THSD7A: variants seen among roughly 807,000 people sequenced by gnomAD.
The protein encoded by THSD7A is thrombospondin type 1 domain containing 7A.
In THSD7A, 96 loss-of-function variants were observed where a neutral mutation model predicts 231.3. The observed-to-expected ratio is 0.41, with a 90% confidence interval of 0.35 to 0.49. The LOEUF (loss-of-function observed/expected upper bound fraction) is 0.49. Ranked by LOEUF, THSD7A falls within the 20% of genes least tolerant of loss-of-function variation. THSD7A has a pLI of 0.05. For missense variants in THSD7A, 2,290 were observed against 2,070.2 expected (o/e 1.11, Z -2.06); for synonymous variants, 940 against 743.3 (o/e 1.26, Z -4.30).
At chr7:11,646,839 A>T (rs1782302154) in intron 1 of THSD7A, among the ~76,000 whole-genome samples, 1 of 152,064 alleles carries the variant, frequency 6.6e-6, no homozygotes. Flanking sequence ...ACAAAGGTTT[A>T]TATGCAATAG....
At chr7:11,551,853 A>T (rs10240511) in intron 4 of THSD7A, among the ~76,000 whole-genome samples, 34,952 of 152,042 alleles carry the variant, frequency 0.23, 4,643 homozygotes, top group African/African-American at 0.37. Context: ...GTATATACCC[A>T]AAGGAAAATA....
At chr7:11,692,899 G>A (rs953287701) in intron 1 of THSD7A, among the ~76,000 whole-genome samples, 3 of 151,482 alleles carry the variant, frequency 2.0e-5, no homozygotes, top group African/African-American at 7.3e-5. Flanking sequence ...TCAAGTCTAT[G>A]GCTTCACAGA....
intron 16 of THSD7A, among the ~76,000 whole-genome samples, chr7:11,417,971 C>G (rs1212312829): frequency 6.6e-6 from 1 of 152,168 alleles, no homozygotes; most frequent in Non-Finnish European, 1.5e-5. Flanking sequence ...GTCCAAAGAG[C>G]TTCGTAGAGG....
chr7:11,372,207 A>G lies in THSD7A; in HGVS notation c.*3587T>C, dbSNP rs1390220221. Reference sequence around the variant, plus strand: ...AAGACATGTACATTACGTAGGGGAAAATACTAACCCCATCTAAAAACAAAC... The same window carrying G: ...AAGACATGTACATTACGTAGGGGAAGATACTAACCCCATCTAAAAACAAAC... On this transcript the variant is annotated 3_prime_UTR_variant, in exon 28 of 28. Transcript: ENST00000423059. 6.6e-6 allele frequency: 1 copy of G among 152,084 alleles called. No individual in the cohort carries two copies. Among genetic ancestry groups the G allele is most frequent in the Admixed American group, 6.6e-5 (1 of 15,232 alleles). The allele number at this position is 152,084 out of a possible 1,614,324, so 9.4% of individuals were successfully genotyped here.
At chr7:11,559,158 C>A (rs1789973094) in intron 4 of THSD7A, among the ~76,000 whole-genome samples, 1 of 151,830 alleles carries the variant, frequency 6.6e-6, no homozygotes, top group Non-Finnish European at 1.5e-5. Flanking sequence ...GAACTGAATT[C>A]TGCCAACACT....
chr7:11,375,551 T>G lies in THSD7A; in HGVS notation c.*243A>C, dbSNP rs533627779. 2 of 338,512 alleles carry G rather than the reference T, an allele frequency of 5.9e-6. No individual in the cohort carries two copies. Among genetic ancestry groups the G allele is most frequent in the African/African-American group, 2.1e-5 (1 of 47,106 alleles). The allele number at this position is 338,512 out of a possible 1,614,324, so 21.0% of individuals were successfully genotyped here. A position where few individuals can be genotyped will look rare whatever the true frequency, so the allele number is the denominator to read the frequency against. On this transcript the variant is annotated 3_prime_UTR_variant, in exon 28 of 28. Transcript: ENST00000423059. ...GATTTCAGAAAAGATGACATAAAAC[T>G]TTCAGAATGCAGCATGTATTCAGCT...
chr7:11,734,350 G>C (rs181041398), intron 1 of THSD7A, among the ~76,000 whole-genome samples: 20 of 151,878 alleles, frequency 1.3e-4, no homozygotes, highest in African/African-American at 4.3e-4. Flanking sequence ...TAAAAATAAA[G>C]TGCAAATTAC....
chr7:11,828,955 C>T (rs554675555), intron 1 of THSD7A, among the ~76,000 whole-genome samples: 16 of 151,982 alleles, frequency 1.1e-4, no homozygotes, highest in Non-Finnish European at 2.1e-4. Flanking sequence ...AATGTGAAGA[C>T]GATGAAGATA....
intron 1 of THSD7A, among the ~76,000 whole-genome samples, chr7:11,828,146 T>TTC (rs2128188907): frequency 6.6e-6 from 1 of 152,314 alleles, no homozygotes; most frequent in South Asian, 2.1e-4. Context: ...CTGCTCAAAG[T>TTC]TTACAGTGGC....
intron 6 of THSD7A, among the ~76,000 whole-genome samples, chr7:11,526,767 G>A (rs900384309): frequency 6.6e-6 from 1 of 152,092 alleles, no homozygotes; most frequent in Non-Finnish European, 1.5e-5. Context: ...CACCATGATT[G>A]TAAATTTTCT....
At chr7:11,419,028 G>A (rs1224515126) in intron 16 of THSD7A, among the ~76,000 whole-genome samples, 1 of 152,092 alleles carries the variant, frequency 6.6e-6, no homozygotes, top group Non-Finnish European at 1.5e-5. Flanking sequence ...GTTGCAGACA[G>A]GACATTTCAG....
intron 23 of THSD7A, among the ~76,000 whole-genome samples, chr7:11,395,208 G>A (rs1273411894): frequency 1.3e-5 from 2 of 150,378 alleles, no homozygotes; most frequent in Admixed American, 1.3e-4. Flanking sequence ...AACCAACAAA[G>A]ATCAAAAGAG....
intron 1 of THSD7A, among the ~76,000 whole-genome samples, chr7:11,691,825 T>G (rs1780241182): frequency 6.6e-6 from 1 of 151,354 alleles, no homozygotes; most frequent in African/African-American, 2.4e-5. Flanking sequence ...AATAGAAAAA[T>G]TTATGTTTCT....
In THSD7A at chr7:11,411,305, G is replaced by T. The variant is rs1184888069; in HGVS notation, c.3700C>A (p.Leu1234Met). 1.9e-6 allele frequency: 3 copies of T among 1,613,300 alleles called. No individual in the cohort carries two copies. In the African/African-American group the frequency reaches 4.0e-5, roughly 22 times the overall value. The change falls in exon 19 of 28, where the codon CTG becomes ATG. Residue 1234 changes from leucine to methionine, a missense_variant. Coordinates refer to ENST00000423059, the MANE Select transcript of THSD7A (RefSeq NM_015204.3). This position sits in a 1 kb window ranked among gnomAD's most constrained non-coding sequence, Gnocchi z 4.1. ...YNVTDWSTCQLSEKAVCGNGI... is the reference protein window; with the variant it reads ...YNVTDWSTCQMSEKAVCGNGI... ...TTTCCACAAACTGCCTTCTCACTCAGCTGACATGTACTCCAGTCTGAAAAA... is the reference window on the plus strand; with the variant it reads ...TTTCCACAAACTGCCTTCTCACTCATCTGACATGTACTCCAGTCTGAAAAA...
At chr7:11,461,161 G>C (rs1785492268) in intron 10 of THSD7A, among the ~76,000 whole-genome samples, 1 of 152,066 alleles carries the variant, frequency 6.6e-6, no homozygotes, top group Admixed American at 6.6e-5. Flanking sequence ...GTGCTCTTTT[G>C]GTTAGCATTG....
intron 22 of THSD7A, among the ~76,000 whole-genome samples, chr7:11,402,409 C>T (rs369082827): frequency 2.0e-5 from 3 of 152,110 alleles, no homozygotes; most frequent in Non-Finnish European, 2.9e-5. Context: ...AATCCAAGGC[C>T]GACAGAGCTG....
intron 1 of THSD7A, among the ~76,000 whole-genome samples, chr7:11,725,413 G>C (rs930033552): frequency 6.6e-6 from 1 of 151,872 alleles, no homozygotes; most frequent in Non-Finnish European, 1.5e-5. Context: ...GAATCTTTTT[G>C]TTGTTAGGGT....
intron 11 of THSD7A, among the ~76,000 whole-genome samples, chr7:11,460,152 T>C (rs1214881778): frequency 2.0e-5 from 3 of 152,140 alleles, no homozygotes; most frequent in African/African-American, 7.2e-5. Flanking sequence ...AAGTCTGCCA[T>C]TTAAAAATCA....
intron 1 of THSD7A, among the ~76,000 whole-genome samples, chr7:11,691,321 C>T (rs1005992691): frequency 1.3e-5 from 2 of 151,202 alleles, no homozygotes; most frequent in Admixed American, 1.3e-4. Context: ...ATGCAAGTTG[C>T]AATTGTAATA....
Sources: gnomAD v4.1 joint callset for allele counts (sites outside exome capture counted in the v4.1 genomes callset) on GRCh38, gnomAD v4.1.1 for gene constraint, Gnocchi (gnomAD v3.1) non-coding constraint, MANE v1.5 for transcripts, NCBI Gene and HGNC (gene_info 2026-07-23, HGNC 2026-07-21) for gene names.